PATJ: variants seen among roughly 807,000 people sequenced by gnomAD.
The protein encoded by PATJ is inaD-like protein.
Under a neutral mutation model 224.9 loss-of-function variants are expected in PATJ, and 190 were observed. The ratio of observed to expected loss-of-function variants is 0.84; its 90% CI spans 0.75 to 0.95. The LOEUF is 0.95. Among genes scored for constraint, PATJ ranks in the 40% least tolerant of loss-of-function variants. The pLI, the probability that PATJ is intolerant of heterozygous loss-of-function variation, is 0.00. For missense variants in PATJ, 2,121 were observed against 2,270.3 expected (o/e 0.93, Z 1.34); for synonymous variants, 769 against 820.3 (o/e 0.94, Z 1.07).
intron 27 of PATJ, among the ~76,000 whole-genome samples, chr1:61,976,386 G>A (rs1050932856): frequency 1.3e-5 from 2 of 151,910 alleles, no homozygotes; most frequent in African/African-American, 4.8e-5. Flanking sequence ...TTATAGCATT[G>A]TTGTGAGGGG....
intron 43 of PATJ, among the ~76,000 whole-genome samples, chr1:62,159,378 G>A (rs958433883): frequency 2.0e-5 from 3 of 151,974 alleles, no homozygotes; most frequent in Admixed American, 6.6e-5. Flanking sequence ...TTTTAGTAGA[G>A]ACAGGATTTC....
intron 36 of PATJ, 125 bp downstream of exon 36, chr1:62,116,804 A>G: frequency 1.1e-6 from 1 of 893,498 alleles, no homozygotes; most frequent in South Asian, 2.0e-5. Context: ...TAGAAATTTA[A>G]TCTCTGATTA....
rs1296316747 is a variant in PATJ at position 62,084,645 on chromosome 1, C to T, written c.4374C>T (p.Pro1458=). 1 of 1,611,912 alleles carries T rather than the reference C, an allele frequency of 6.2e-7. No individual in the cohort carries two copies. Among genetic ancestry groups the T allele is most frequent in the Non-Finnish European group, 8.5e-7 (1 of 1,179,266 alleles). Reference sequence around the variant, plus strand: ...GCATTGTGGGAGGAAAAGACACACCCTTGGTAAGTTTCTAGAAATAAAATG... The same window carrying T: ...GCATTGTGGGAGGAAAAGACACACCTTTGGTAAGTTTCTAGAAATAAAATG... ...GLSIVGGKDT[P]LNAIVIHEVY... The change falls in exon 33 of 44, where the codon CCC becomes CCT. Residue 1458 remains proline (P), a synonymous_variant. Transcript: ENST00000642238.
At chr1:61,950,032 A>G (rs984232461) in intron 27 of PATJ, among the ~76,000 whole-genome samples, 8 of 152,140 alleles carry the variant, frequency 5.3e-5, no homozygotes, top group Admixed American at 2.0e-4. Flanking sequence ...GGTGAAACCC[A>G]TCTCTACTGA....
intron 10 of PATJ, among the ~76,000 whole-genome samples, chr1:61,796,692 TTC>T (rs72114409): frequency 0.46 from 48,906 of 106,208 alleles, 10,600 homozygotes; most frequent in South Asian, 0.6. Flanking sequence ...CTTTCTTTCT[TTC>T]TTTCTTTCTT....
rs1296023409 is a variant in PATJ at position 61,955,947 on chromosome 1, A to G, written c.3670+28118A>G. Among the ~76,000 whole-genome samples, 5 of 152,244 alleles carry G rather than the reference A, an allele frequency of 3.3e-5. No individual in the cohort carries two copies. The East Asian group carries it at 9.6e-4, about 29-fold the overall frequency. On this transcript the variant is annotated intron_variant, in intron 27 of 43. Transcript: ENST00000642238. ...AGACATATAATTGGAATTACTCCAAAAAGCATACTGAAGTTCCAGATTTTG... is the reference window on the plus strand; with the variant it reads ...AGACATATAATTGGAATTACTCCAAGAAGCATACTGAAGTTCCAGATTTTG...
intron 32 of PATJ, among the ~76,000 whole-genome samples, 192 bp downstream of exon 32, chr1:62,079,759 A>G (rs1354625715): frequency 1.3e-5 from 2 of 152,158 alleles, no homozygotes; most frequent in Admixed American, 6.5e-5. Context: ...TGCCATCGCC[A>G]TTGCCTGTTG....
intron 28 of PATJ, among the ~76,000 whole-genome samples, chr1:62,008,874 A>G (rs969473008): frequency 6.6e-6 from 1 of 151,762 alleles, no homozygotes; most frequent in African/African-American, 2.4e-5. Flanking sequence ...TAAGATAATA[A>G]ATAGATATTT....
Position 61,869,129 on chromosome 1 carries a change from C to T in PATJ, c.2835+4496C>T, listed in dbSNP as rs192228360. Among the ~76,000 whole-genome samples the T allele has an allele frequency of 1.5e-3, 189 of 129,482 alleles. 4 individuals are homozygous for T. The South Asian group carries it at 0.031, about 21-fold the overall frequency. The allele number at this position is 129,482 out of a possible 152,430, so 84.9% of individuals were successfully genotyped here. ...TTTTTTTTTTTTTTCTTTTTTGAGA[C>T]GGAGTCTCGCTCTGTCGCCCAGGCT... On this transcript the variant is annotated intron_variant, in intron 20 of 43. Coordinates refer to ENST00000642238, the MANE Select transcript of PATJ (RefSeq NM_001350145.3).
intron 22 of PATJ, among the ~76,000 whole-genome samples, chr1:61,885,505 A>G (rs540678689): frequency 2.2e-4 from 34 of 151,642 alleles, no homozygotes; most frequent in African/African-American, 7.2e-4. Flanking sequence ...TAGAATGGCA[A>G]TCATTCAAAA....
intron 16 of PATJ, among the ~76,000 whole-genome samples, chr1:61,829,596 G>C (rs1452261617): frequency 6.6e-6 from 1 of 152,220 alleles, no homozygotes; most frequent in Non-Finnish European, 1.5e-5. Context: ...GAGTTATGCA[G>C]AATTGATTGT....
At chr1:62,107,474 T>C (rs1335647217) in intron 33 of PATJ, among the ~76,000 whole-genome samples, 2 of 152,172 alleles carry the variant, frequency 1.3e-5, no homozygotes, top group African/African-American at 4.8e-5. Context: ...ATTTCAAAGC[T>C]TGACTACTTG....
chr1:61,830,829 T>C (rs181370290), intron 16 of PATJ, among the ~76,000 whole-genome samples: 2 of 152,294 alleles, frequency 1.3e-5, no homozygotes, highest in Admixed American at 6.5e-5. Flanking sequence ...GCTACCCATA[T>C]GCCGAAGATT....
At chr1:62,071,015 G>A (rs955004184) in intron 31 of PATJ, among the ~76,000 whole-genome samples, 2 of 152,174 alleles carry the variant, frequency 1.3e-5, no homozygotes, top group African/African-American at 2.4e-5. Flanking sequence ...AAGAAAGGCT[G>A]TGTGAACATG....
At chr1:62,090,682 A>G (rs1558154336) in intron 33 of PATJ, among the ~76,000 whole-genome samples, 1 of 152,094 alleles carries the variant, frequency 6.6e-6, no homozygotes, top group African/African-American at 2.4e-5. Context: ...CCTGTCTTCT[A>G]TCTCCCTCCA....
At chr1:61,986,585 A>G (rs1644769586) in intron 27 of PATJ, among the ~76,000 whole-genome samples, 1 of 151,958 alleles carries the variant, frequency 6.6e-6, no homozygotes, top group Non-Finnish European at 1.5e-5. Flanking sequence ...ATGCTGGGCT[A>G]ACTTTTTAAA....
At chr1:61,909,289 T>C (rs1672279383) in intron 25 of PATJ, among the ~76,000 whole-genome samples, 1 of 152,200 alleles carries the variant, frequency 6.6e-6, no homozygotes, top group South Asian at 2.1e-4. Flanking sequence ...CTACAATTTT[T>C]CTTCTGTAAT....
chr1:61,951,618 G>A (rs74076835), intron 27 of PATJ, among the ~76,000 whole-genome samples: 1 of 151,934 alleles, frequency 6.6e-6, no homozygotes, highest in Non-Finnish European at 1.5e-5. Context: ...TTTCTAGTGG[G>A]TTTTCTGAAG....
At chr1:61,938,025 A>C (rs751059957) in intron 27 of PATJ, among the ~76,000 whole-genome samples, 7 of 152,140 alleles carry the variant, frequency 4.6e-5, no homozygotes, top group Admixed American at 1.3e-4. Flanking sequence ...GCTTTTAGAC[A>C]TGAATGTGAG....
Sources: gnomAD v4.1 joint callset for allele counts (sites outside exome capture counted in the v4.1 genomes callset) on GRCh38, gnomAD v4.1.1 for gene constraint, MANE v1.5 for transcripts, NCBI Gene and HGNC (gene_info 2026-07-23, HGNC 2026-07-21) for gene names.